TBL1XR1: variants seen among roughly 807,000 people sequenced by gnomAD.
TBL1XR1 encodes the protein TBL1X/Y related 1.
In TBL1XR1, 5 loss-of-function variants were observed where a neutral mutation model predicts 66.9. The ratio of observed to expected loss-of-function variants is 0.07; its 90% confidence interval spans 0.04 to 0.16. The LOEUF (loss-of-function observed/expected upper bound fraction) is 0.16, where lower values mean the gene tolerates loss of function less well. Ranked by LOEUF, TBL1XR1 falls within the 10% of genes least tolerant of loss-of-function variation. The pLI is 1.00. For synonymous variants in TBL1XR1, 210 were observed against 206.0 expected, an observed-to-expected ratio of 1.02 and a Z score of -0.17; for missense variants, 238 against 623.2, an observed-to-expected ratio of 0.38 and a Z score of 6.58.
intron 13 of TBL1XR1, 29 bp from the exon 14 acceptor site, chr3:177,033,165 T>C: frequency 6.7e-7 from 1 of 1,492,836 alleles, no homozygotes; most frequent in Non-Finnish European, 9.0e-7. Flanking sequence ...AAAGTTAATT[T>C]ATAAGTAAGG....
intron 3 of TBL1XR1, among the ~76,000 whole-genome samples, chr3:177,057,422 C>A (rs1717943145): frequency 6.6e-6 from 1 of 152,098 alleles, no homozygotes; most frequent in South Asian, 2.1e-4. Flanking sequence ...TCCTTTAATT[C>A]TGGGAAACTA....
chr3:177,158,704 T>A lies in TBL1XR1; in HGVS notation c.-122+38417A>T, dbSNP rs533463202. On this transcript the variant is annotated intron_variant, in intron 1 of 15. Transcript: ENST00000457928. ...GCTAAGAAGCTGACAGACCTGCATATAGATATGATTAGAAAATCATCTGTG... is the reference window on the plus strand; with the variant it reads ...GCTAAGAAGCTGACAGACCTGCATAAAGATATGATTAGAAAATCATCTGTG... 2.6e-5 allele frequency among the ~76,000 whole-genome samples: 4 copies of A among 152,258 alleles called. No individual in the cohort carries two copies. The South Asian group carries it at 8.3e-4, about 32-fold the overall frequency.
At chr3:177,039,882 T>C (rs1323264075) in intron 10 of TBL1XR1, among the ~76,000 whole-genome samples, 1 of 152,214 alleles carries the variant, frequency 6.6e-6, no homozygotes, top group Non-Finnish European at 1.5e-5. Flanking sequence ...TGAAGTTGCA[T>C]ATTACCTATG....
At chr3:177,173,282 C>G (rs773014162) in intron 1 of TBL1XR1, among the ~76,000 whole-genome samples, 1 of 152,172 alleles carries the variant, frequency 6.6e-6, no homozygotes, top group Non-Finnish European at 1.5e-5. Context: ...CCCTCTAGTA[C>G]GTAGAACTTA....
chr3:177,124,461 A>G (rs544571307), intron 1 of TBL1XR1, among the ~76,000 whole-genome samples: 2 of 152,270 alleles, frequency 1.3e-5, no homozygotes, highest in Admixed American at 6.5e-5. Flanking sequence ...TCTATTAGTA[A>G]TTATTTGAAA....
chr3:177,186,054 A>C (rs1425959346), intron 1 of TBL1XR1, among the ~76,000 whole-genome samples: 2 of 152,144 alleles, frequency 1.3e-5, no homozygotes, highest in African/African-American at 4.8e-5. Context: ...GGAACACTTC[A>C]CATCTCTCAC....
intron 1 of TBL1XR1, 61 bp downstream of exon 1, chr3:177,197,060 C>T (rs1221884895): frequency 6.6e-6 from 1 of 152,050 alleles, no homozygotes; most frequent in East Asian, 2.0e-4. Context: ...CGCCTCTGGC[C>T]CGCGCCCCCC....
chr3:177,182,937 G>T (rs1274522782), intron 1 of TBL1XR1, among the ~76,000 whole-genome samples: 3 of 151,934 alleles, frequency 2.0e-5, no homozygotes, highest in Admixed American at 1.3e-4. Flanking sequence ...AAGCATTCAG[G>T]GTTCCTAAGC....
intron 3 of TBL1XR1, among the ~76,000 whole-genome samples, chr3:177,055,743 T>A (rs1678662638): frequency 6.6e-6 from 1 of 152,020 alleles, no homozygotes; most frequent in Admixed American, 6.6e-5. Context: ...GAGATTCCTG[T>A]TTTCAATTAT....
chr3:177,039,055 C>T (rs1322402190), intron 10 of TBL1XR1, among the ~76,000 whole-genome samples: 1 of 152,154 alleles, frequency 6.6e-6, no homozygotes, highest in East Asian at 1.9e-4. Flanking sequence ...ACAAACTTTA[C>T]TTCATGCACA....
intron 1 of TBL1XR1, among the ~76,000 whole-genome samples, chr3:177,150,522 C>T (rs893742664): frequency 3.3e-5 from 5 of 152,220 alleles, no homozygotes; most frequent in African/African-American, 1.2e-4. Flanking sequence ...TCAGCAACTA[C>T]AGACTGAGTT....
At chr3:177,026,248 A>C in intron 15 of TBL1XR1, 125 bp downstream of exon 15, 1 of 780,136 alleles carries the variant, frequency 1.3e-6, no homozygotes, top group Non-Finnish European at 2.0e-6. Flanking sequence ...CTCAGGAAAA[A>C]AAAAAATCAG....
At chr3:177,083,437 C>T (rs1465402607) in intron 2 of TBL1XR1, among the ~76,000 whole-genome samples, 1 of 152,182 alleles carries the variant, frequency 6.6e-6, no homozygotes, top group Non-Finnish European at 1.5e-5. Context: ...AAGCAGGTCA[C>T]AGCTTAATGC....
chr3:177,151,457 G>A (rs945292356), intron 1 of TBL1XR1, among the ~76,000 whole-genome samples: 4 of 152,152 alleles, frequency 2.6e-5, no homozygotes, highest in Admixed American at 1.3e-4. Context: ...TCACAGGAGC[G>A]TGAACCCTAT....
chr3:177,054,293 A>AGAT (rs1553817984), intron 3 of TBL1XR1, among the ~76,000 whole-genome samples: 2 of 151,868 alleles, frequency 1.3e-5, no homozygotes, highest in East Asian at 3.9e-4. Flanking sequence ...AATCAGGCCA[A>AGAT]GACAGATTAA....
intron 1 of TBL1XR1, among the ~76,000 whole-genome samples, chr3:177,148,187 A>AT (rs1158670919): frequency 1.3e-5 from 2 of 152,204 alleles, no homozygotes; most frequent in South Asian, 2.1e-4. Context: ...TAAATTGTAG[A>AT]TTTTTTAGAT....
In TBL1XR1 at chr3:177,135,338, CATATATATATAT is replaced by C. The variant is rs1177634107; in HGVS notation, c.-121-36809_-121-36798del. 9.8e-4 allele frequency among the ~76,000 whole-genome samples: 22 copies of C among 22,480 alleles called. 1 individual carries two copies. Among genetic ancestry groups the C allele is most frequent in the South Asian group, 9.0e-3 (6 of 666 alleles). 14.7% of individuals were successfully genotyped at this position (22,480 alleles called of 152,430 possible). On this transcript the variant is annotated intron_variant, in intron 1 of 15. Coordinates refer to ENST00000457928, the MANE Select transcript of TBL1XR1 (RefSeq NM_024665.7). ...GTGTGTGTGTGTGTGTGTGTGTATA[CATATATATATAT>C]ATATATATATATATATATATATATA...
chr3:177,051,940 A>C (rs1717145046), intron 4 of TBL1XR1, among the ~76,000 whole-genome samples: 2 of 152,176 alleles, frequency 1.3e-5, no homozygotes, highest in Non-Finnish European at 1.5e-5. Flanking sequence ...TTTAATTCAT[A>C]CTATTATTAC....
At position 177,045,838 on chromosome 3, in the gene TBL1XR1, T is replaced by C. The variant is rs753293823; in HGVS notation, c.925+291A>G. On this transcript the variant is annotated intron_variant, in intron 10 of 15. Transcript: ENST00000457928. The stretch of plus-strand genomic sequence containing the variant: ...TAATGCTTCTTAAGTGGAGTGGAAC[T>C]GACATTCAAACCTAGATTTTCTGAT... 7.4e-4 allele frequency among the ~76,000 whole-genome samples: 112 copies of C among 152,134 alleles called. 1 individual carries two copies. The highest frequency in any genetic ancestry group is 3.4e-3 in the Admixed American group (52 of 15,266).
Sources: allele counts gnomAD v4.1 joint callset (sites outside exome capture counted in the v4.1 genomes callset), GRCh38; gene constraint gnomAD v4.1.1; transcripts MANE v1.5; gene names NCBI Gene and HGNC (gene_info 2026-07-23, HGNC 2026-07-21).